EEA1: variants seen among roughly 807,000 people sequenced by gnomAD.
The protein encoded by EEA1 is early endosome antigen 1, also known as early endosome antigen 1, 162kD.
EEA1 carries 111 observed loss-of-function variants against 209.2 expected under a neutral mutation model. The observed-to-expected ratio is 0.53, with a 90% CI of 0.45 to 0.62. EEA1 has a LOEUF of 0.62. Among genes scored for constraint, EEA1 ranks in the 20% least tolerant of loss-of-function variants. EEA1 has a pLI of 0.00. For missense variants in EEA1, 1,343 were observed against 1,530.8 expected (o/e 0.88, Z 2.05); for synonymous variants, 536 against 540.6 (o/e 0.99, Z 0.12).
At chr12:92,808,478 A>ATT (rs775633861) in intron 18 of EEA1, among the ~76,000 whole-genome samples, 4 of 139,102 alleles carry the variant, frequency 2.9e-5, no homozygotes, top group Admixed American at 7.3e-5. Context: ...AGCTGAGGTT[A>ATT]TTTTTTTTTT....
chr12:92,785,233 T>C (rs186787282), intron 22 of EEA1, among the ~76,000 whole-genome samples: 9 of 152,174 alleles, frequency 5.9e-5, no homozygotes, highest in Non-Finnish European at 1.2e-4. Flanking sequence ...ATAGCCAATC[T>C]GAAATATCCA....
rs199769493 is a variant in EEA1, at chr12:92,803,985, GT to G, written c.2340-1252del. Among the ~76,000 whole-genome samples, 51 of 150,722 alleles carry G rather than the reference GT, an allele frequency of 3.4e-4. No individual in the cohort carries two copies. In the East Asian group the frequency reaches 6.8e-3, roughly 20 times the overall value. ...TTACATAGTCACTGTGACACTTCTT[GT>G]TTTTTTTTAAGTAACTAAGGGAAGA... On this transcript the variant is annotated intron_variant, in intron 18 of 28. Coordinates refer to ENST00000322349, the MANE Select transcript of EEA1 (RefSeq NM_003566.4).
Position 92,845,233 on chromosome 12 carries a change from A to G in EEA1, c.799-2652T>C, listed in dbSNP as rs551220284. Among the ~76,000 whole-genome samples the G allele has an allele frequency of 2.0e-5, 3 of 152,264 alleles. No homozygotes were observed. In the East Asian group the frequency reaches 5.8e-4, roughly 29 times the overall value. On this transcript the variant is annotated intron_variant, in intron 9 of 28. Coordinates refer to ENST00000322349, the MANE Select transcript of EEA1 (RefSeq NM_003566.4). Reference sequence around the variant, plus strand: ...AGGGGACAATAAGGAAAGATTTGGGAAGACTTATACATCCAGAGGCCAACT... The same window carrying G: ...AGGGGACAATAAGGAAAGATTTGGGGAGACTTATACATCCAGAGGCCAACT...
intron 2 of EEA1, among the ~76,000 whole-genome samples, chr12:92,876,745 CAG>C (rs1878905596): frequency 6.8e-6 from 1 of 147,960 alleles, no homozygotes; most frequent in Non-Finnish European, 1.5e-5. Flanking sequence ...ACTATAAAAA[CAG>C]AGAATTCGAT....
In EEA1 at chr12:92,801,670, A is replaced by T. The variant is rs1287752510; in HGVS notation, c.2702T>A (p.Leu901His). Residue 901 changes from leucine to histidine, a missense_variant, in exon 20 of 29, where the codon CTT (leucine) becomes CAT (histidine). Physicochemically the swap from Leu to His is moderately conservative, Grantham distance 99. Transcript: ENST00000322349. ...AAGTGTGTTTTCCATCTGCACTTGA[A>T]GTTGATGCTTTAATTCTTTGCAAGT... Reference protein sequence around the residue: ...EKTCKELKHQLQVQMENTLKE... With the variant: ...EKTCKELKHQHQVQMENTLKE... 6.3e-7 allele frequency: 1 copy of T among 1,596,448 alleles called. No individual in the cohort carries two copies. Among genetic ancestry groups the T allele is most frequent in the Non-Finnish European group, 8.5e-7 (1 of 1,173,700 alleles).
chr12:92,837,359 T>G (rs1301298085), intron 10 of EEA1, among the ~76,000 whole-genome samples: 1 of 152,166 alleles, frequency 6.6e-6, no homozygotes, highest in Non-Finnish European at 1.5e-5. Flanking sequence ...TGCACTATAC[T>G]GTTCTTATCA....
chr12:92,921,866 C>CAAAAAAA (rs756583756), intron 1 of EEA1, among the ~76,000 whole-genome samples: 66 of 83,350 alleles, frequency 7.9e-4, no homozygotes, highest in South Asian at 1.3e-3. Context: ...GACTCTGTCT[C>CAAAAAAA]AAAAAAAAAA....
In EEA1 at chr12:92,802,534, T is replaced by C; in HGVS notation, c.2540A>G (p.Glu847Gly). ...AAGCTCTGTCATTAAAGCTTCTTTC[T>C]CCATTTTCACTTTTTGTAGTTCTGT... ...TVTELQKVKM[E>G]KEALMTELST... is the part of the protein sequence containing the mutation. Residue 847 changes from glutamate to glycine, a missense_variant, in exon 19 of 29, where the codon GAG (glutamate) becomes GGG (glycine). By Grantham distance (98) the Glu-to-Gly change is moderately conservative. Around this residue, in one of 3 missense-constraint regions of EEA1, gnomAD observed 1,307 missense variants for 1,465.5 expected, o/e 0.89. Transcript: ENST00000322349. The C allele has an allele frequency of 6.3e-7, 1 of 1,599,506 alleles. No individual in the cohort carries two copies. Among genetic ancestry groups the C allele is most frequent in the Non-Finnish European group, 8.5e-7 (1 of 1,175,520 alleles).
chr12:92,878,314 G>A (rs750519908), intron 2 of EEA1, among the ~76,000 whole-genome samples: 4 of 152,176 alleles, frequency 2.6e-5, no homozygotes, highest in Non-Finnish European at 4.4e-5. Context: ...GTGGGGGAAC[G>A]GACTGAAGAT....
chr12:92,906,530 G>A (rs1225906733), intron 1 of EEA1, among the ~76,000 whole-genome samples: 7 of 152,088 alleles, frequency 4.6e-5, no homozygotes, highest in Non-Finnish European at 1.0e-4. Context: ...GTAACTTTAG[G>A]GGCCGGGTGC....
At chr12:92,794,131 G>A (rs61933716) in intron 21 of EEA1, among the ~76,000 whole-genome samples, 38,555 of 152,126 alleles carry the variant, frequency 0.25, 5,353 homozygotes, top group Non-Finnish European at 0.32. Flanking sequence ...AGGAAAAAAT[G>A]CTCATCATCA....
chr12:92,851,707 A>G (rs117174592), intron 8 of EEA1, among the ~76,000 whole-genome samples: 1 of 152,304 alleles, frequency 6.6e-6, no homozygotes, highest in Non-Finnish European at 1.5e-5. Context: ...AAGAAAGTCA[A>G]GGACAGATCC....
intron 21 of EEA1, among the ~76,000 whole-genome samples, chr12:92,795,114 C>G (rs1281828022): frequency 6.6e-6 from 1 of 152,130 alleles, no homozygotes; most frequent in East Asian, 1.9e-4. Flanking sequence ...CAATAGAGTC[C>G]AATTGCCCTT....
At chr12:92,813,376 T>C (rs537488540) in intron 15 of EEA1, among the ~76,000 whole-genome samples, 39 of 152,146 alleles carry the variant, frequency 2.6e-4, no homozygotes, top group African/African-American at 9.4e-4. Flanking sequence ...ACACTTTTTT[T>C]CCAAAAAAGG....
chr12:92,875,787 C>T (rs1171566564), intron 2 of EEA1, among the ~76,000 whole-genome samples: 1 of 152,164 alleles, frequency 6.6e-6, no homozygotes, highest in African/African-American at 2.4e-5. Flanking sequence ...CCAATCTCCC[C>T]CTTGCTCACT....
chr12:92,778,255 T>C lies in EEA1; in HGVS notation c.3655-76A>G, dbSNP rs530809966. ...ATAAATGTAAGTGATTTATTACATT[T>C]AAAATACTGGCAATTTGCTTCTTCG... On this transcript the variant is annotated intron_variant, in intron 25 of 28. Coordinates refer to ENST00000322349, the MANE Select transcript of EEA1 (RefSeq NM_003566.4). 42 of 1,184,222 alleles carry C rather than the reference T, an allele frequency of 3.5e-5. No homozygotes were observed. The South Asian group carries it at 5.6e-4, about 16-fold the overall frequency. 73.4% of individuals were successfully genotyped at this position (1,184,222 alleles called of 1,614,324 possible).
At chr12:92,859,524 A>G (rs1378217060) in intron 3 of EEA1, among the ~76,000 whole-genome samples, 3 of 152,186 alleles carry the variant, frequency 2.0e-5, no homozygotes, top group African/African-American at 4.8e-5. Flanking sequence ...CTGCCTAGAA[A>G]CAACACTGTA....
At chr12:92,874,185 G>T (rs886150576) in intron 2 of EEA1, among the ~76,000 whole-genome samples, 1 of 151,958 alleles carries the variant, frequency 6.6e-6, no homozygotes, top group Non-Finnish European at 1.5e-5. Flanking sequence ...GCCAGGCATG[G>T]TGGCATGCAC....
rs902636722 is a variant in EEA1, at chr12:92,874,196, C to G, written c.118-9209G>C. ...TTTAGCCAGGCATGGTGGCATGCAC[C>G]TATAGTCCCAGGTACTTAGGAGGTT... On this transcript the variant is annotated intron_variant, in intron 2 of 28. Coordinates refer to ENST00000322349, the MANE Select transcript of EEA1 (RefSeq NM_003566.4). Among the ~76,000 whole-genome samples the G allele has an allele frequency of 5.3e-5, 8 of 152,094 alleles. No individual in the cohort carries two copies. In the East Asian group the frequency reaches 1.2e-3, roughly 22 times the overall value.
Sources: gnomAD v4.1 joint callset for allele counts (sites outside exome capture counted in the v4.1 genomes callset) on GRCh38, gnomAD v4.1.1 for gene constraint, gnomAD v4.1.1 regional missense constraint, MANE v1.5 for transcripts, NCBI Gene and HGNC (gene_info 2026-07-23, HGNC 2026-07-21) for gene names.